The following STARD9 variants were observed in gnomAD, a reference collection of about 807,000 sequenced individuals.
STARD9 encodes the protein stAR-related lipid transfer protein 9.
In STARD9, 346 loss-of-function variants were observed where a neutral mutation model predicts 399.8. The ratio of observed to expected loss-of-function variants is 0.87; its 90% confidence interval spans 0.79 to 0.95. STARD9 has a LOEUF of 0.95. Among genes scored for constraint, STARD9 ranks in the 40% least tolerant of loss-of-function variants. The probability of loss-of-function intolerance (pLI) is 0.00; values close to 1 mark genes in which losing one functional copy is unlikely to be tolerated. For missense variants in STARD9, 5,832 were observed against 5,667.5 expected, an observed-to-expected ratio of 1.03 and a Z score of -0.93; for synonymous variants, 2,203 against 2,143.5, an observed-to-expected ratio of 1.03 and a Z score of -0.77.
At chr15:42,695,057 G>A in intron 24 of STARD9, 83 bp from the exon 25 acceptor site, 1 of 1,143,776 alleles carries the variant, frequency 8.7e-7, no homozygotes, top group Non-Finnish European at 1.2e-6. Flanking sequence ...TAAGAAGGTG[G>A]TATCACCCAA....
intron 1 of STARD9, among the ~76,000 whole-genome samples, chr15:42,580,553 C>A (rs188252842): frequency 1.3e-5 from 2 of 152,150 alleles, no homozygotes; most frequent in African/African-American, 4.8e-5. Context: ...TGGTGGCTCA[C>A]GCCTGTAATC....
At chr15:42,642,259 G>T (rs761032248) in intron 7 of STARD9, among the ~76,000 whole-genome samples, 2 of 152,202 alleles carry the variant, frequency 1.3e-5, no homozygotes, top group African/African-American at 2.4e-5. Flanking sequence ...TGCAGTTCCA[G>T]TTCAGAATTG....
rs751214661 is a variant in STARD9, at chr15:42,691,606, A to G, written c.10028A>G (p.Glu3343Gly). The change falls in exon 23 of 33, where the codon GAG becomes GGG. Residue 3343 changes from glutamate (E) to glycine (G), a missense_variant. Transcript: ENST00000290607. ...CTTCAGGAGCTGAACTTGAGTGTGG[A>G]GCCTCCTTCCCCTACAGACGAAGAT... ...RSLQELNLSV[E>G]PPSPTDEDTQ... 7.5e-5 allele frequency: 115 copies of G among 1,537,092 alleles called. No individual in the cohort carries two copies. Among genetic ancestry groups the G allele is most frequent in the Admixed American group, 3.9e-5 (2 of 50,978 alleles).
chr15:42,675,963 T>C lies in STARD9; in HGVS notation c.1862T>C (p.Leu621Pro). ...TCCCGGCTGGGTCTCTCCCCTTTGC[T>C]TTGGAAGGAAAGGTAAGAAATAGCT... ...AASRLGLSPL[L>P]WKERRALEEQ... Residue 621 changes from leucine (L) to proline (P), a missense_variant, in exon 20 of 33, where the codon CTT becomes CCT. By Grantham distance (98) the Leu-to-Pro change is moderately conservative. Transcript: ENST00000290607. The C allele has an allele frequency of 6.5e-7, 1 of 1,536,476 alleles. No individual in the cohort carries two copies. The highest frequency in any genetic ancestry group is 8.7e-7 in the Non-Finnish European group (1 of 1,146,810).
chr15:42,640,052 G>A (rs1010229105), intron 7 of STARD9, among the ~76,000 whole-genome samples: 2 of 152,096 alleles, frequency 1.3e-5, no homozygotes, highest in Admixed American at 1.3e-4. Context: ...CTCCCAGGTA[G>A]CTAGGGCTAC....
chr15:42,642,563 A>G (rs1053683703), intron 7 of STARD9, among the ~76,000 whole-genome samples: 5 of 152,316 alleles, frequency 3.3e-5, no homozygotes, highest in Admixed American at 6.5e-5. Context: ...TACTCAATCT[A>G]TAAGTCACAG....
chr15:42,590,428 A>G (rs553978840), intron 3 of STARD9, among the ~76,000 whole-genome samples: 1 of 152,300 alleles, frequency 6.6e-6, no homozygotes, highest in East Asian at 1.9e-4. Flanking sequence ...AGATATCAAA[A>G]TATCTGAGGG....
chr15:42,588,688 G>A (rs750957103), intron 3 of STARD9, among the ~76,000 whole-genome samples: 4 of 150,838 alleles, frequency 2.7e-5, no homozygotes, highest in African/African-American at 7.3e-5. Context: ...AGGCCACCAC[G>A]GACGGGTAAG....
Position 42,690,081 on chromosome 15 carries a change from G to T in STARD9, c.8503G>T (p.Val2835Phe), listed in dbSNP as rs1479401858. Residue 2835 changes from valine to phenylalanine, a missense_variant, in exon 23 of 33, where the codon GTC becomes TTC. Transcript: ENST00000290607. Reference sequence around the variant, plus strand: ...TGCCTCAGGGCCTAAGCAAGACCATGTCCAATGCCCTGAGGCTTCTACTGG... The same window carrying T: ...TGCCTCAGGGCCTAAGCAAGACCATTTCCAATGCCCTGAGGCTTCTACTGG... ...TSASGPKQDHVQCPEASTGFE... is the reference protein window; with the variant it reads ...TSASGPKQDHFQCPEASTGFE... The T allele has an allele frequency of 3.3e-6, 5 of 1,537,606 alleles. No individual in the cohort carries two copies. The highest frequency in any genetic ancestry group is 1.2e-5 in the South Asian group (1 of 84,062).
At chr15:42,610,457 C>T (rs1391720060) in intron 3 of STARD9, among the ~76,000 whole-genome samples, 1 of 152,210 alleles carries the variant, frequency 6.6e-6, no homozygotes, top group Non-Finnish European at 1.5e-5. Context: ...CTACTGACTC[C>T]TGTGTAGCAT....
At chr15:42,684,078 T>TC in intron 22 of STARD9, 38 bp from the exon 23 acceptor site, 1 of 1,496,822 alleles carries the variant, frequency 6.7e-7, no homozygotes, top group South Asian at 1.3e-5. Flanking sequence ...AAGTAGTACC[T>TC]CTCACATCTT....
At chr15:42,616,890 CAAAAAAAAA>C (rs565991513) in intron 3 of STARD9, among the ~76,000 whole-genome samples, 2 of 57,172 alleles carry the variant, frequency 3.5e-5, no homozygotes, top group Non-Finnish European at 8.5e-5. Context: ...GACTTCCTCT[CAAAAAAAAA>C]AAAAAAAAAA....
chr15:42,678,800 C>T (rs142982376), intron 20 of STARD9, among the ~76,000 whole-genome samples: 12 of 152,324 alleles, frequency 7.9e-5, no homozygotes, highest in African/African-American at 2.2e-4. Flanking sequence ...TAAATGAAGA[C>T]TTGCCCTTTG....
At chr15:42,621,963 A>T (rs1328352818) in intron 3 of STARD9, among the ~76,000 whole-genome samples, 1 of 152,184 alleles carries the variant, frequency 6.6e-6, no homozygotes, top group Non-Finnish European at 1.5e-5. Context: ...ATACACATAC[A>T]TTTATCTATT....
rs560375169 is a variant in STARD9, at chr15:42,665,784, A to G, written c.1255-2A>G. On this transcript the variant is annotated splice_acceptor_variant, in intron 14 of 32. Coordinates refer to ENST00000290607, the MANE Select transcript of STARD9 (RefSeq NM_020759.3). LOFTEE classifies it high-confidence loss of function. Reference sequence around the variant, plus strand: ...TCAAAGCACATCTCTATCTTTGTGCAGAGAAACTTCAGTTCATTGAGTGAT... The same window carrying G: ...TCAAAGCACATCTCTATCTTTGTGCGGAGAAACTTCAGTTCATTGAGTGAT... 4 of 1,537,128 alleles carry G rather than the reference A, an allele frequency of 2.6e-6. No homozygotes were observed. Among genetic ancestry groups the G allele is most frequent in the African/African-American group, 2.7e-5 (2 of 73,180 alleles).
At chr15:42,677,221 G>A (rs1164020956) in intron 20 of STARD9, among the ~76,000 whole-genome samples, 10 of 151,032 alleles carry the variant, frequency 6.6e-5, no homozygotes, top group East Asian at 2.0e-4. Flanking sequence ...CCGACATTGC[G>A]CCACTGCACT....
In STARD9 at chr15:42,695,774, C is replaced by G; in HGVS notation, c.13178C>G (p.Ser4393Cys). Residue 4393 changes from serine to cysteine, a missense_variant, in exon 26 of 33, where the codon TCC becomes TGC. By Grantham distance (112) the Ser-to-Cys change is moderately radical. Coordinates refer to ENST00000290607, the MANE Select transcript of STARD9 (RefSeq NM_020759.3). Reference protein sequence around the residue: ...EEDKLHTLANSSSLCTSSNGS... With the variant: ...EEDKLHTLANCSSLCTSSNGS... ...GATAAACTACATACCTTGGCCAATTCCAGCTCCCTGTGCACCAGCTCTAAT... is the reference window on the plus strand; with the variant it reads ...GATAAACTACATACCTTGGCCAATTGCAGCTCCCTGTGCACCAGCTCTAAT... 5 of 1,537,212 alleles carry G rather than the reference C, an allele frequency of 3.3e-6. No individual in the cohort carries two copies. The highest frequency in any genetic ancestry group is 4.4e-6 in the Non-Finnish European group (5 of 1,146,878).
chr15:42,708,256 ACTT>A (rs2061133353), intron 26 of STARD9, among the ~76,000 whole-genome samples: 2 of 152,344 alleles, frequency 1.3e-5, no homozygotes, highest in Non-Finnish European at 2.9e-5. Flanking sequence ...TATTTGAAAA[ACTT>A]CTTCAATGGA....
Position 42,682,462 on chromosome 15 carries a change from G to A in STARD9, c.2424G>A (p.Gln808=), listed in dbSNP as rs577839163. The change falls in exon 22 of 33, where the codon CAG becomes CAA. Residue 808 remains glutamine, a synonymous_variant. Transcript: ENST00000290607. ...QDDSTQEPPY[Q]VLSPDATVPR... is the part of the protein sequence containing the mutation. ...ACAGCACCCAGGAGCCCCCATACCA[G>A]GTCCTCAGCCCTGATGCCACAGTCC... 1.3e-6 allele frequency: 2 copies of A among 1,537,042 alleles called. No homozygotes were observed. The highest frequency in any genetic ancestry group is 1.4e-5 in the African/African-American group (1 of 73,016).
Sources: gnomAD v4.1 joint callset for allele counts (sites outside exome capture counted in the v4.1 genomes callset) on GRCh38, gnomAD v4.1.1 for gene constraint, MANE v1.5 for transcripts, NCBI Gene and HGNC (gene_info 2026-07-23, HGNC 2026-07-21) for gene names.